The following NEGR1 variants were observed in gnomAD, a reference collection of about 807,000 sequenced individuals.
NEGR1 encodes the protein IgLON family member 4.
In NEGR1, 10 loss-of-function variants were observed where a neutral mutation model predicts 40.9. That is an observed-to-expected ratio of 0.24 (90% CI 0.15 to 0.42). The LOEUF is 0.42. Among genes scored for constraint, NEGR1 ranks in the 10% least tolerant of loss-of-function variants. NEGR1 has a pLI of 1.00. For missense variants in NEGR1, 352 were observed against 438.9 expected (o/e 0.80, Z 1.77); for synonymous variants, 185 against 166.8 (o/e 1.11, Z -0.84).
At chr1:72,160,907 TA>T (rs1221197737) in intron 1 of NEGR1, among the ~76,000 whole-genome samples, 3 of 152,280 alleles carry the variant, frequency 2.0e-5, no homozygotes, top group African/African-American at 7.2e-5. Context: ...GATATATAAA[TA>T]AAAAACTATT....
rs1302044400 is a variant in NEGR1, at chr1:71,719,361, TAAGC to T, written c.536-21226_536-21223del. 8.6e-5 allele frequency among the ~76,000 whole-genome samples: 13 copies of T among 151,952 alleles called. 1 individual carries two copies. Among genetic ancestry groups the T allele is most frequent in the Admixed American group, 8.5e-4 (13 of 15,260 alleles). ...TTAAATGAAAGAACAATAGAACAAA[TAAGC>T]AAGGAATAAATATACAAAAAAATTA... On this transcript the variant is annotated intron_variant, in intron 3 of 6. Coordinates refer to ENST00000357731, the MANE Select transcript of NEGR1 (RefSeq NM_173808.3).
At chr1:72,126,132 TGTGA>T (rs897262200) in intron 1 of NEGR1, among the ~76,000 whole-genome samples, 5 of 136,182 alleles carry the variant, frequency 3.7e-5, no homozygotes, top group African/African-American at 1.4e-4. Context: ...TGTGTGTGTG[TGTGA>T]AAGACAGAGA....
intron 2 of NEGR1, among the ~76,000 whole-genome samples, chr1:71,907,328 A>G (rs533417221): frequency 6.6e-6 from 1 of 152,300 alleles, no homozygotes; most frequent in African/African-American, 2.4e-5. Flanking sequence ...ACTGAATATA[A>G]CTATTGTTGG....
chr1:71,674,626 A>G (rs908771815), intron 4 of NEGR1, among the ~76,000 whole-genome samples: 2 of 151,758 alleles, frequency 1.3e-5, no homozygotes, highest in Non-Finnish European at 2.9e-5. Flanking sequence ...ACACAAATGT[A>G]TACAGTACTT....
chr1:71,502,464 C>G (rs1340099883), intron 6 of NEGR1, among the ~76,000 whole-genome samples: 4 of 152,128 alleles, frequency 2.6e-5, no homozygotes, highest in Non-Finnish European at 5.9e-5. Context: ...AGTCTCACTT[C>G]CGCTGTTTTT....
At chr1:71,424,783 C>T (rs1646418939) in intron 6 of NEGR1, among the ~76,000 whole-genome samples, 2 of 152,114 alleles carry the variant, frequency 1.3e-5, no homozygotes, top group South Asian at 4.2e-4. Context: ...AAAATGAGGA[C>T]CTCAGTCCTT....
chr1:71,400,497 A>T lies in NEGR1; in HGVS notation c.*6949T>A, dbSNP rs1172655725. 2.0e-5 allele frequency: 3 copies of T among 151,548 alleles called. No individual in the cohort carries two copies. The highest frequency in any genetic ancestry group is 6.6e-5 in the Admixed American group (1 of 15,190). 9.4% of individuals were successfully genotyped at this position (151,548 alleles called of 1,614,324 possible). ...TTTTAACAAGTGCCCAAAATATATT[A>T]TTTTTTCAACAAGGTGGATTCTCGA... On this transcript the variant is annotated 3_prime_UTR_variant, in exon 7 of 7. Transcript: ENST00000357731.
intron 1 of NEGR1, among the ~76,000 whole-genome samples, chr1:72,113,600 A>G (rs1411139756): frequency 1.3e-5 from 2 of 151,650 alleles, no homozygotes; most frequent in African/African-American, 4.8e-5. Flanking sequence ...TGGAAAGTAA[A>G]TAGAAAAGCA....
chr1:71,803,178 T>C (rs374361708), intron 2 of NEGR1, among the ~76,000 whole-genome samples: 1 of 152,122 alleles, frequency 6.6e-6, no homozygotes. Flanking sequence ...TAATCTAATA[T>C]GACTGATGTC....
At chr1:71,429,507 C>G (rs1326989344) in intron 6 of NEGR1, among the ~76,000 whole-genome samples, 2 of 152,202 alleles carry the variant, frequency 1.3e-5, no homozygotes, top group African/African-American at 4.8e-5. Context: ...CCAGTGGTCT[C>G]TGATGCTTCT....
At chr1:72,168,276 T>A (rs1001985592) in intron 1 of NEGR1, among the ~76,000 whole-genome samples, 6 of 152,060 alleles carry the variant, frequency 3.9e-5, no homozygotes, top group African/African-American at 1.4e-4. Flanking sequence ...AGTGCTGGGA[T>A]TATAGGCATG....
chr1:72,241,095 TGTTGACAAG>T (rs749591388), intron 1 of NEGR1, among the ~76,000 whole-genome samples: 4 of 151,868 alleles, frequency 2.6e-5, no homozygotes, highest in Non-Finnish European at 5.9e-5. Flanking sequence ...ATGGAGCTTA[TGTTGACAAG>T]TTTGTATTTT....
At chr1:71,728,487 C>T (rs934141862) in intron 3 of NEGR1, among the ~76,000 whole-genome samples, 3 of 152,086 alleles carry the variant, frequency 2.0e-5, no homozygotes, top group Non-Finnish European at 4.4e-5. Context: ...CAGACTTACC[C>T]CATTAGAACA....
chr1:72,025,187 C>A (rs530314876), intron 1 of NEGR1, among the ~76,000 whole-genome samples: 2 of 152,142 alleles, frequency 1.3e-5, no homozygotes, highest in Non-Finnish European at 2.9e-5. Flanking sequence ...ATAACGTTTA[C>A]ATTGACTCCA....
intron 6 of NEGR1, among the ~76,000 whole-genome samples, chr1:71,568,668 A>G (rs966814504): frequency 6.6e-6 from 1 of 152,156 alleles, no homozygotes; most frequent in African/African-American, 2.4e-5. Context: ...ATATACATCT[A>G]TATACATATA....
intron 2 of NEGR1, among the ~76,000 whole-genome samples, chr1:71,902,693 T>C (rs1199833878): frequency 1.3e-5 from 2 of 152,156 alleles, no homozygotes; most frequent in African/African-American, 2.4e-5. Context: ...CTTTTCATGC[T>C]CTAATTACAT....
intron 2 of NEGR1, among the ~76,000 whole-genome samples, chr1:71,896,035 CTTTTT>C (rs71074810): frequency 1.8e-5 from 2 of 111,214 alleles, no homozygotes; most frequent in African/African-American, 3.5e-5. Context: ...TAACGTTTAA[CTTTTT>C]TTTTTTTTTT....
intron 2 of NEGR1, among the ~76,000 whole-genome samples, chr1:71,894,586 GTT>G (rs1660912729): frequency 6.6e-6 from 1 of 152,166 alleles, no homozygotes; most frequent in Non-Finnish European, 1.5e-5. Flanking sequence ...TTAAAATACT[GTT>G]TGACAAATCC....
intron 6 of NEGR1, among the ~76,000 whole-genome samples, chr1:71,490,892 G>C (rs567935963): frequency 6.6e-6 from 1 of 152,106 alleles, no homozygotes; most frequent in South Asian, 2.1e-4. Context: ...CTTGTTATAT[G>C]AAATAATAAT....
Sources: allele counts gnomAD v4.1 joint callset (sites outside exome capture counted in the v4.1 genomes callset), GRCh38; gene constraint gnomAD v4.1.1; transcripts MANE v1.5; gene names NCBI Gene and HGNC (gene_info 2026-07-23, HGNC 2026-07-21).